The following GRID2 variants were observed in gnomAD, a reference collection of about 807,000 sequenced individuals.
GRID2 encodes the protein glutamate receptor ionotropic, delta-2.
Under a neutral mutation model 114.8 loss-of-function variants are expected in GRID2, and 33 were observed. The observed-to-expected ratio is 0.29, with a 90% CI of 0.22 to 0.38. The LOEUF (loss-of-function observed/expected upper bound fraction) is 0.38. Among genes scored for constraint, GRID2 ranks in the 10% least tolerant of loss-of-function variants. The probability of loss-of-function intolerance (pLI) is 1.00; values close to 1 mark genes in which losing one functional copy is unlikely to be tolerated. For synonymous variants in GRID2, 505 were observed against 449.9 expected (o/e 1.12, Z -1.55); for missense variants, 1,184 against 1,257.7 (o/e 0.94, Z 0.89).
At chr4:92,632,353 G>A (rs1730850790) in intron 2 of GRID2, among the ~76,000 whole-genome samples, 1 of 152,028 alleles carries the variant, frequency 6.6e-6, no homozygotes, top group South Asian at 2.1e-4. Context: ...TCAAAGACCA[G>A]TCCGGGCACA....
intron 2 of GRID2, among the ~76,000 whole-genome samples, chr4:92,652,576 G>A (rs1405943042): frequency 6.6e-6 from 1 of 151,474 alleles, no homozygotes; most frequent in African/African-American, 2.4e-5. Context: ...CAGCTACCCA[G>A]GAGGCTGAAG....
At chr4:92,491,186 G>T (rs928230443) in intron 1 of GRID2, among the ~76,000 whole-genome samples, 4 of 152,038 alleles carry the variant, frequency 2.6e-5, no homozygotes, top group African/African-American at 9.7e-5. Flanking sequence ...ATAAATGGCT[G>T]GATAAGAACA....
chr4:93,227,859 C>A (rs1745677212), intron 7 of GRID2, among the ~76,000 whole-genome samples: 2 of 152,226 alleles, frequency 1.3e-5, no homozygotes, highest in South Asian at 2.1e-4. Flanking sequence ...CTGTCTGAGA[C>A]CTCACCAGAA....
chr4:92,809,734 T>C (rs1740579153), intron 2 of GRID2, among the ~76,000 whole-genome samples: 1 of 152,066 alleles, frequency 6.6e-6, no homozygotes, highest in East Asian at 1.9e-4. Flanking sequence ...CTGTTATTTG[T>C]CCACTGTATC....
At chr4:93,273,808 A>G (rs1751761241) in intron 8 of GRID2, among the ~76,000 whole-genome samples, 1 of 152,182 alleles carries the variant, frequency 6.6e-6, no homozygotes, top group Non-Finnish European at 1.5e-5. Flanking sequence ...TAGCAAGATA[A>G]CAAAAACCTC....
chr4:93,464,683 A>AT (rs1229380898), intron 11 of GRID2, among the ~76,000 whole-genome samples: 2 of 152,086 alleles, frequency 1.3e-5, no homozygotes, highest in Non-Finnish European at 2.9e-5. Flanking sequence ...TTTTATGGCA[A>AT]TTTTTTTCTT....
intron 2 of GRID2, among the ~76,000 whole-genome samples, chr4:92,750,729 T>A (rs1737410337): frequency 6.6e-6 from 1 of 152,222 alleles, no homozygotes; most frequent in African/African-American, 2.4e-5. Context: ...GTGTCTGCCT[T>A]ATCAACTATT....
At position 92,514,435 on chromosome 4, in the gene GRID2, T is replaced by G. The variant is rs889232189; in HGVS notation, c.89-75696T>G. Among the ~76,000 whole-genome samples the G allele has an allele frequency of 3.3e-5, 5 of 151,970 alleles. 1 individual carries two copies. In the Middle Eastern group the frequency reaches 0.017, roughly 517 times the overall value. ...ACTGATTTAGGTAATTTACATACAT[T>G]TTTAGTTTTTAAGATATTTTACATT... On this transcript the variant is annotated intron_variant, in intron 1 of 15. Coordinates refer to ENST00000282020, the MANE Select transcript of GRID2 (RefSeq NM_001510.4).
intron 4 of GRID2, among the ~76,000 whole-genome samples, chr4:93,154,560 A>T (rs1737003253): frequency 6.6e-6 from 1 of 152,038 alleles, no homozygotes. Flanking sequence ...GCCTAGATGA[A>T]TCTCTTAGTG....
At chr4:92,907,400 T>A (rs2149487217) in intron 2 of GRID2, among the ~76,000 whole-genome samples, 1 of 152,200 alleles carries the variant, frequency 6.6e-6, no homozygotes, top group South Asian at 2.1e-4. Context: ...AGAAACCATA[T>A]AGTCCATTCC....
chr4:93,118,016 T>C (rs1435268272), intron 4 of GRID2, among the ~76,000 whole-genome samples: 1 of 152,126 alleles, frequency 6.6e-6, no homozygotes, highest in Non-Finnish European at 1.5e-5. Flanking sequence ...TATGTTCCCA[T>C]ATTTTGAGCT....
At chr4:93,465,791 A>G (rs1432832027) in intron 11 of GRID2, among the ~76,000 whole-genome samples, 1 of 152,252 alleles carries the variant, frequency 6.6e-6, no homozygotes, top group Non-Finnish European at 1.5e-5. Context: ...AAACTTGTTT[A>G]GCTAATGAAA....
intron 8 of GRID2, among the ~76,000 whole-genome samples, chr4:93,251,367 T>C (rs889330751): frequency 6.6e-6 from 1 of 152,174 alleles, no homozygotes; most frequent in Admixed American, 6.6e-5. Flanking sequence ...GCTCTATTTT[T>C]TTAAATGGCA....
intron 14 of GRID2, among the ~76,000 whole-genome samples, chr4:93,681,693 T>G (rs1725558897): frequency 6.6e-6 from 1 of 152,180 alleles, no homozygotes; most frequent in South Asian, 2.1e-4. Flanking sequence ...GATTCCCTAT[T>G]TAATAAGTGG....
chr4:93,675,823 A>C lies in GRID2; in HGVS notation c.2360+49388A>C, dbSNP rs188058516. 3.1e-4 allele frequency among the ~76,000 whole-genome samples: 47 copies of C among 152,334 alleles called. 1 individual carries two copies. In the East Asian group the frequency reaches 9.1e-3, roughly 29 times the overall value. On this transcript the variant is annotated intron_variant, in intron 14 of 15. Coordinates refer to ENST00000282020, the MANE Select transcript of GRID2 (RefSeq NM_001510.4). ...TATATATGTTATTTTTTCAAGGTTA[A>C]ATTGCAAAGTAAAAGCATTATAGTG... is the stretch of plus-strand genomic sequence containing the variant.
At chr4:92,734,133 GC>G (rs1736470762) in intron 2 of GRID2, among the ~76,000 whole-genome samples, 1 of 151,806 alleles carries the variant, frequency 6.6e-6, no homozygotes, top group South Asian at 2.1e-4. Flanking sequence ...GTTTCTATCA[GC>G]CCTTAGAAGT....
At chr4:93,168,563 A>T (rs926551680) in intron 4 of GRID2, among the ~76,000 whole-genome samples, 1 of 152,110 alleles carries the variant, frequency 6.6e-6, no homozygotes, top group Non-Finnish European at 1.5e-5. Context: ...TTAATTTATT[A>T]GTTATATAAA....
At chr4:92,915,152 T>G (rs866353637) in intron 2 of GRID2, among the ~76,000 whole-genome samples, 1 of 152,116 alleles carries the variant, frequency 6.6e-6, no homozygotes, top group African/African-American at 2.4e-5. Context: ...TCAGATCTCA[T>G]GAGAACTTAC....
At chr4:92,586,401 C>T (rs1272560613) in intron 1 of GRID2, among the ~76,000 whole-genome samples, 1 of 148,254 alleles carries the variant, frequency 6.7e-6, no homozygotes, top group East Asian at 2.0e-4. Context: ...CACATACACA[C>T]ACACAGACAC....
Sources: allele counts gnomAD v4.1 joint callset (sites outside exome capture counted in the v4.1 genomes callset), GRCh38; gene constraint gnomAD v4.1.1; transcripts MANE v1.5; gene names NCBI Gene and HGNC (gene_info 2026-07-23, HGNC 2026-07-21).